Variants in PTPRQ observed in about 807,000 individuals in gnomAD.
PTPRQ encodes the protein phosphatidylinositol phosphatase PTPRQ.
In PTPRQ, 199 loss-of-function variants were observed where a neutral mutation model predicts 246.0. The ratio of observed to expected loss-of-function variants is 0.81; its 90% CI spans 0.72 to 0.91. The LOEUF is 0.91. Among genes scored for constraint, PTPRQ ranks in the 40% least tolerant of loss-of-function variants. PTPRQ has a pLI of 0.00. For synonymous variants in PTPRQ, 869 were observed against 853.2 expected (o/e 1.02, Z -0.32); for missense variants, 2,624 against 2,528.4 (o/e 1.04, Z -0.81).
At chr12:80,592,121 C>G (rs781121087) in intron 26 of PTPRQ, among the ~76,000 whole-genome samples, 1 of 152,072 alleles carries the variant, frequency 6.6e-6, no homozygotes, top group Non-Finnish European at 1.5e-5. Flanking sequence ...TATTTTATTT[C>G]CAGGAGACAC....
chr12:80,556,635 A>G (rs1896654253), intron 25 of PTPRQ, among the ~76,000 whole-genome samples: 1 of 152,224 alleles, frequency 6.6e-6, no homozygotes, highest in Non-Finnish European at 1.5e-5. Flanking sequence ...TACATATCAA[A>G]GAACATTCCT....
intron 3 of PTPRQ, chr12:80,454,434 A>G: frequency 1.5e-6 from 1 of 680,198 alleles, no homozygotes; most frequent in Non-Finnish European, 2.7e-6. Context: ...CCTCAGATGG[A>G]AATGCAGAAA....
intron 43 of PTPRQ, among the ~76,000 whole-genome samples, chr12:80,676,847 G>T (rs1390292241): frequency 1.3e-5 from 2 of 152,088 alleles, no homozygotes; most frequent in African/African-American, 4.8e-5. Context: ...TTTTTGTCGG[G>T]CATTTTATGT....
At chr12:80,658,429 T>G (rs899661030) in intron 39 of PTPRQ, among the ~76,000 whole-genome samples, 1 of 151,978 alleles carries the variant, frequency 6.6e-6, no homozygotes, top group Admixed American at 6.6e-5. Flanking sequence ...ACATGAAAAT[T>G]TATTATGCAG....
chr12:80,651,822 G>A (rs1384525432), intron 37 of PTPRQ, among the ~76,000 whole-genome samples: 1 of 151,806 alleles, frequency 6.6e-6, no homozygotes, highest in Non-Finnish European at 1.5e-5. Context: ...AAAAAATTTT[G>A]TAAGCCTTTG....
chr12:80,466,404 T>G (rs2120515925), intron 6 of PTPRQ, among the ~76,000 whole-genome samples: 1 of 152,242 alleles, frequency 6.6e-6, no homozygotes, highest in Non-Finnish European at 1.5e-5. Context: ...GTAGGAAGAA[T>G]CAATATCATG....
intron 17 of PTPRQ, among the ~76,000 whole-genome samples, chr12:80,517,160 AATTG>A (rs1170012484): frequency 6.6e-6 from 1 of 152,032 alleles, no homozygotes; most frequent in Non-Finnish European, 1.5e-5. Context: ...ATAAATTTAG[AATTG>A]ATTGTCAGTG....
At chr12:80,595,354 G>C (rs898498556) in intron 26 of PTPRQ, among the ~76,000 whole-genome samples, 3 of 152,014 alleles carry the variant, frequency 2.0e-5, no homozygotes, top group Non-Finnish European at 4.4e-5. Context: ...TATGAATATG[G>C]AAGAAAGGCA....
rs1900326964 is a variant in PTPRQ at position 80,653,621 on chromosome 12, C to T, written c.6115+787C>T. On this transcript the variant is annotated intron_variant, in intron 38 of 44. Transcript: ENST00000644991. Reference sequence around the variant, plus strand: ...GTGTATATATATATTTTTGTCTATGCTTTTTCAAATGTATATTGGGGGAAT... The same window carrying T: ...GTGTATATATATATTTTTGTCTATGTTTTTTCAAATGTATATTGGGGGAAT... Among the ~76,000 whole-genome samples, 4 of 152,136 alleles carry T rather than the reference C, an allele frequency of 2.6e-5. No homozygotes were observed. The South Asian group carries it at 8.3e-4, about 32-fold the overall frequency.
At chr12:80,490,739 G>C (rs554008360) in intron 9 of PTPRQ, among the ~76,000 whole-genome samples, 2 of 151,814 alleles carry the variant, frequency 1.3e-5, no homozygotes, top group Non-Finnish European at 2.9e-5. Context: ...AAATCAGTGA[G>C]TTGCGAATTT....
intron 23 of PTPRQ, among the ~76,000 whole-genome samples, chr12:80,543,655 G>A (rs899423329): frequency 2.0e-5 from 3 of 152,044 alleles, no homozygotes; most frequent in Admixed American, 1.3e-4. Context: ...TATGACTATG[G>A]TAAATCATTG....
chr12:80,605,061 C>T lies in PTPRQ; in HGVS notation c.4612C>T (p.Pro1538Ser). The change falls in exon 27 of 45, where the codon CCA becomes TCA. Residue 1538 changes from proline (P) to serine (S), a missense_variant and splice_region_variant. Physicochemically the swap from Pro to Ser is moderately conservative, Grantham distance 74. Coordinates refer to ENST00000644991, the MANE Select transcript of PTPRQ (RefSeq NM_001145026.2). ...WISTKTLPGP[P>S]DGPPENVHVV... is the part of the protein sequence containing the mutation. ...TAATTAATTTTCTATTGTCATAGCTCCAGATGGTCCTCCTGAAAATGTTCA... is the reference window on the plus strand; with the variant it reads ...TAATTAATTTTCTATTGTCATAGCTTCAGATGGTCCTCCTGAAAATGTTCA... 2 of 1,540,124 alleles carry T rather than the reference C, an allele frequency of 1.3e-6. No individual in the cohort carries two copies. The highest frequency in any genetic ancestry group is 1.8e-6 in the Non-Finnish European group (2 of 1,140,890).
At chr12:80,640,417 A>G (rs2121194357) in intron 35 of PTPRQ, among the ~76,000 whole-genome samples, 1 of 152,356 alleles carries the variant, frequency 6.6e-6, no homozygotes, top group East Asian at 1.9e-4. Flanking sequence ...AACTTAAGCT[A>G]TCTTTGCAAA....
Position 80,495,900 on chromosome 12 carries a change from C to T in PTPRQ, c.1883-99C>T, listed in dbSNP as rs752750837. 35 of 1,340,858 alleles carry T rather than the reference C, an allele frequency of 2.6e-5. 1 individual carries two copies. Among genetic ancestry groups the T allele is most frequent in the Non-Finnish European group, 3.2e-5 (32 of 994,182 alleles). The allele number at this position is 1,340,858 out of a possible 1,614,324, so 83.1% of individuals were successfully genotyped here. A position where few individuals can be genotyped will look rare whatever the true frequency, so the allele number is the denominator to read the frequency against. On this transcript the variant is annotated intron_variant, in intron 12 of 44. Coordinates refer to ENST00000644991, the MANE Select transcript of PTPRQ (RefSeq NM_001145026.2). Reference sequence around the variant, plus strand: ...TTTGGAAGCGATATAGATATCTAGTCCCCCGTATAAATTCTTCTTACTGGC... The same window carrying T: ...TTTGGAAGCGATATAGATATCTAGTTCCCCGTATAAATTCTTCTTACTGGC...
intron 25 of PTPRQ, among the ~76,000 whole-genome samples, chr12:80,553,392 A>C (rs549720552): frequency 6.6e-6 from 1 of 152,236 alleles, no homozygotes; most frequent in South Asian, 2.1e-4. Context: ...TGTTGATAAG[A>C]GGTTAGTAAG....
At chr12:80,635,994 T>C (rs1488718829) in intron 35 of PTPRQ, among the ~76,000 whole-genome samples, 1 of 152,234 alleles carries the variant, frequency 6.6e-6, no homozygotes, top group Non-Finnish European at 1.5e-5. Flanking sequence ...CTTTATCTAA[T>C]AGATGGACTT....
At chr12:80,536,548 A>G (rs1427872670) in intron 19 of PTPRQ, among the ~76,000 whole-genome samples, 1 of 152,210 alleles carries the variant, frequency 6.6e-6, no homozygotes, top group Non-Finnish European at 1.5e-5. Flanking sequence ...ACTTTATAAA[A>G]GACATGTAGA....
chr12:80,503,181 TGTA>T (rs1158867367), intron 14 of PTPRQ, among the ~76,000 whole-genome samples: 1 of 151,834 alleles, frequency 6.6e-6, no homozygotes, highest in African/African-American at 2.4e-5. Context: ...AGGGCTAAAC[TGTA>T]GTAGTATTTC....
chr12:80,653,036 C>T (rs1337638188), intron 38 of PTPRQ, among the ~76,000 whole-genome samples: 2 of 151,978 alleles, frequency 1.3e-5, no homozygotes, highest in African/African-American at 4.8e-5. Flanking sequence ...TCAGTTTGTT[C>T]ACACAAGTTC....
Sources: allele counts gnomAD v4.1 joint callset (sites outside exome capture counted in the v4.1 genomes callset), GRCh38; gene constraint gnomAD v4.1.1; transcripts MANE v1.5; gene names NCBI Gene and HGNC (gene_info 2026-07-23, HGNC 2026-07-21).